KCNH8: variants seen among roughly 807,000 people sequenced by gnomAD.
KCNH8 encodes potassium voltage-gated channel subfamily H member 8.
KCNH8 carries 70 observed loss-of-function variants against 103.6 expected under a neutral mutation model. The observed-to-expected ratio is 0.68, with a 90% CI of 0.56 to 0.82. The LOEUF (loss-of-function observed/expected upper bound fraction) is 0.82, where lower values mean the gene tolerates loss of function less well. Among genes scored for constraint, KCNH8 ranks in the 40% least tolerant of loss-of-function variants. KCNH8 has a pLI of 0.00. For missense variants in KCNH8, 1,217 were observed against 1,329.9 expected, an observed-to-expected ratio of 0.92 and a Z score of 1.32; for synonymous variants, 498 against 489.4, an observed-to-expected ratio of 1.02 and a Z score of -0.23.
chr3:19,341,639 T>C (rs2065661116), intron 3 of KCNH8, among the ~76,000 whole-genome samples: 1 of 152,096 alleles, frequency 6.6e-6, no homozygotes, highest in African/African-American at 2.4e-5. Context: ...CTACTTTGAT[T>C]CTAAAATTGA....
chr3:19,532,382 T>TTTTC (rs1177414497), intron 15 of KCNH8, among the ~76,000 whole-genome samples: 1 of 152,166 alleles, frequency 6.6e-6, no homozygotes, highest in East Asian at 1.9e-4. Flanking sequence ...TTGCAGGTCT[T>TTTTC]TTTCTTTCTT....
rs546413780 is a variant in KCNH8 at position 19,477,595 on chromosome 3, C to G, written c.2040+20613C>G. On this transcript the variant is annotated intron_variant, in intron 11 of 15. Coordinates refer to ENST00000328405, the MANE Select transcript of KCNH8 (RefSeq NM_144633.3). ...ATCACCTCTAGCATGACACTAAGAC[C>G]TCTAACAGGAATGCTTGGAATTATG... Among the ~76,000 whole-genome samples the G allele has an allele frequency of 7.9e-5, 12 of 152,076 alleles. No homozygotes were observed. The East Asian group carries it at 1.9e-3, about 25-fold the overall frequency.
intron 2 of KCNH8, among the ~76,000 whole-genome samples, chr3:19,279,092 C>A (rs879487010): frequency 3.9e-5 from 6 of 152,134 alleles, no homozygotes; most frequent in Non-Finnish European, 8.8e-5. Context: ...AGATTTCATA[C>A]CGTTCTTTGT....
intron 11 of KCNH8, among the ~76,000 whole-genome samples, chr3:19,459,889 A>T (rs1193044678): frequency 6.6e-6 from 1 of 152,068 alleles, no homozygotes; most frequent in East Asian, 1.9e-4. Context: ...ATAGTAATTT[A>T]AAAATCCCTG....
intron 4 of KCNH8, 53 bp from the exon 5 acceptor site, chr3:19,347,672 C>T (rs1386309669): frequency 8.1e-6 from 13 of 1,597,954 alleles, no homozygotes; most frequent in Non-Finnish European, 1.1e-5. Context: ...CTATGTAATC[C>T]TTGTTTCTAA....
intron 3 of KCNH8, among the ~76,000 whole-genome samples, chr3:19,304,399 G>GA (rs1467681278): frequency 1.4e-4 from 21 of 151,254 alleles, no homozygotes; most frequent in African/African-American, 4.4e-4. Flanking sequence ...TAAACAAAGA[G>GA]AAAAAATCAC....
At chr3:19,273,800 C>T (rs80307956) in intron 2 of KCNH8, among the ~76,000 whole-genome samples, 1 of 152,228 alleles carries the variant, frequency 6.6e-6, no homozygotes, top group East Asian at 1.9e-4. Flanking sequence ...TTTTCTGATC[C>T]CAGTCTCATT....
chr3:19,197,396 T>A (rs533024562), intron 1 of KCNH8, among the ~76,000 whole-genome samples: 1 of 152,230 alleles, frequency 6.6e-6, no homozygotes, highest in African/African-American at 2.4e-5. Context: ...TGAATTTTTA[T>A]CTCTCCCATA....
intron 11 of KCNH8, among the ~76,000 whole-genome samples, chr3:19,473,288 C>T (rs2067902486): frequency 6.6e-6 from 1 of 152,122 alleles, no homozygotes; most frequent in Non-Finnish European, 1.5e-5. Context: ...AATTCTATTG[C>T]TTGTCATATC....
At chr3:19,301,512 T>A (rs1026881548) in intron 3 of KCNH8, among the ~76,000 whole-genome samples, 1 of 152,094 alleles carries the variant, frequency 6.6e-6, no homozygotes, top group Non-Finnish European at 1.5e-5. Context: ...TTTCACATAA[T>A]TTTTTCTTTC....
chr3:19,439,982 G>T (rs1403150910), intron 8 of KCNH8, among the ~76,000 whole-genome samples: 3 of 151,920 alleles, frequency 2.0e-5, no homozygotes, highest in African/African-American at 7.3e-5. Flanking sequence ...ATAAAGGATG[G>T]AAGGCAGGCA....
chr3:19,238,710 ACTT>A (rs916566882), intron 1 of KCNH8, among the ~76,000 whole-genome samples: 2 of 152,202 alleles, frequency 1.3e-5, no homozygotes, highest in African/African-American at 4.8e-5. Context: ...CTGTGATGTT[ACTT>A]CTTAGCATAT....
chr3:19,178,470 A>T (rs2063421255), intron 1 of KCNH8, among the ~76,000 whole-genome samples: 1 of 152,156 alleles, frequency 6.6e-6, no homozygotes, highest in African/African-American at 2.4e-5. Flanking sequence ...CTACAGTAAG[A>T]GAGGGAAGAC....
At chr3:19,153,037 T>G (rs1457995737) in intron 1 of KCNH8, among the ~76,000 whole-genome samples, 1 of 152,184 alleles carries the variant, frequency 6.6e-6, no homozygotes, top group Non-Finnish European at 1.5e-5. Flanking sequence ...TCTTTTTGCT[T>G]TCATCAAGGT....
At position 19,379,668 on chromosome 3, in the gene KCNH8, A is replaced by G. The variant is rs530567727; in HGVS notation, c.812-10813A>G. Among the ~76,000 whole-genome samples the G allele has an allele frequency of 3.3e-5, 5 of 152,260 alleles. No homozygotes were observed. The East Asian group carries it at 9.7e-4, about 29-fold the overall frequency. On this transcript the variant is annotated intron_variant, in intron 5 of 15. Transcript: ENST00000328405. The stretch of plus-strand genomic sequence containing the variant: ...AAAAAAGAAAAAAGAAAATAACATT[A>G]TCTTGGTAACAGAATTCATCAAAAC...
At chr3:19,237,048 A>C (rs1362238487) in intron 1 of KCNH8, among the ~76,000 whole-genome samples, 1 of 152,222 alleles carries the variant, frequency 6.6e-6, no homozygotes, top group Non-Finnish European at 1.5e-5. Flanking sequence ...CTTATGGCCA[A>C]ATTAAATGGC....
intron 11 of KCNH8, among the ~76,000 whole-genome samples, chr3:19,474,905 A>G (rs2067939238): frequency 6.6e-6 from 1 of 152,176 alleles, no homozygotes; most frequent in South Asian, 2.1e-4. Flanking sequence ...TCTTGATAGT[A>G]CAAAATGTTA....
intron 11 of KCNH8, among the ~76,000 whole-genome samples, chr3:19,506,541 T>C (rs928717283): frequency 5.3e-5 from 8 of 152,184 alleles, no homozygotes; most frequent in Non-Finnish European, 1.0e-4. Context: ...TCCTCATGAT[T>C]GCAGCTATGC....
At chr3:19,459,686 A>T (rs923410054) in intron 11 of KCNH8, among the ~76,000 whole-genome samples, 4 of 152,044 alleles carry the variant, frequency 2.6e-5, no homozygotes, top group Admixed American at 1.3e-4. Context: ...GACCAATGTC[A>T]TGGAGCTTTC....
Sources: gnomAD v4.1 joint callset for allele counts (sites outside exome capture counted in the v4.1 genomes callset) on GRCh38, gnomAD v4.1.1 for gene constraint, MANE v1.5 for transcripts, NCBI Gene and HGNC (gene_info 2026-07-23, HGNC 2026-07-21) for gene names.